CNTNAP3: variants seen among roughly 807,000 people sequenced by gnomAD.
CNTNAP3 encodes the protein contactin associated protein family member 3.
A neutral mutation model predicts 92.1 loss-of-function variants in CNTNAP3; 36 were observed. The ratio of observed to expected loss-of-function variants is 0.39; its 90% confidence interval spans 0.30 to 0.52. The LOEUF (loss-of-function observed/expected upper bound fraction) is 0.52, where lower values mean the gene tolerates loss of function less well. Among genes scored for constraint, CNTNAP3 ranks in the 20% least tolerant of loss-of-function variants. CNTNAP3 has a pLI of 0.76. For missense variants in CNTNAP3, 534 were observed against 1,069.6 expected (o/e 0.50, Z 6.98); for synonymous variants, 232 against 422.3 (o/e 0.55, Z 5.53).
At chr9:39,120,741 T>C (rs931133516) in intron 13 of CNTNAP3, among the ~76,000 whole-genome samples, 35 of 152,222 alleles carry the variant, frequency 2.3e-4, no homozygotes, top group Admixed American at 1.6e-3. Flanking sequence ...CTAGCAGACA[T>C]TCCCTAAAGA....
chr9:39,134,863 C>A (rs1821391668), intron 12 of CNTNAP3, among the ~76,000 whole-genome samples: 1 of 152,202 alleles, frequency 6.6e-6, no homozygotes, highest in South Asian at 2.1e-4. Flanking sequence ...TGATCAACCA[C>A]ATGCCATTTT....
intron 15 of CNTNAP3, among the ~76,000 whole-genome samples, chr9:39,108,394 C>T (rs970185411): frequency 2.6e-5 from 4 of 152,136 alleles, no homozygotes; most frequent in Non-Finnish European, 4.4e-5. Flanking sequence ...AGACGCCACG[C>T]CATCTGGCAC....
intron 18 of CNTNAP3, among the ~76,000 whole-genome samples, chr9:39,096,372 T>C (rs2778231): frequency 0.22 from 32,647 of 147,962 alleles, 3,863 homozygotes; most frequent in East Asian, 0.36. Context: ...GAATTCTCTG[T>C]TTTTTGTAAG....
At chr9:39,106,110 C>A (rs1826599235) in intron 15 of CNTNAP3, among the ~76,000 whole-genome samples, 1 of 152,122 alleles carries the variant, frequency 6.6e-6, no homozygotes, top group African/African-American at 2.4e-5. Context: ...AGTGGTCATT[C>A]CTTGACCCTA....
chr9:39,094,476 A>G (rs932985731), intron 18 of CNTNAP3, among the ~76,000 whole-genome samples: 1 of 151,638 alleles, frequency 6.6e-6, no homozygotes, highest in African/African-American at 2.4e-5. Flanking sequence ...TATCTTCTAA[A>G]AATTTTATAG....
rs1325381367 is a variant in CNTNAP3, at chr9:39,068,770, C to A, written c.*5120G>T. ...TCCTTAAGCTATCTATCTCCATTGT[C>A]ACTGCTGTCTCAAATTCTCTCAAGT... is the stretch of plus-strand genomic sequence containing the variant. On this transcript the variant is annotated 3_prime_UTR_variant, in exon 24 of 24. Transcript: ENST00000297668. 6.6e-6 allele frequency among the ~76,000 whole-genome samples: 1 copy of A among 152,310 alleles called. No homozygotes were observed. The highest frequency in any genetic ancestry group is 2.4e-5 in the African/African-American group (1 of 41,486).
At chr9:39,147,021 G>T (rs1311210790) in intron 10 of CNTNAP3, among the ~76,000 whole-genome samples, 1 of 152,126 alleles carries the variant, frequency 6.6e-6, no homozygotes, top group Non-Finnish European at 1.5e-5. Flanking sequence ...TTCTCATGCT[G>T]TTCTCATGAT....
At chr9:39,089,698 A>C (rs1348053009) in intron 18 of CNTNAP3, among the ~76,000 whole-genome samples, 1 of 149,276 alleles carries the variant, frequency 6.7e-6, no homozygotes, top group Non-Finnish European at 1.5e-5. Context: ...TGAGGGTTTT[A>C]ATATCTCCAC....
At chr9:39,180,605 AAGC>A (rs1822425222) in intron 4 of CNTNAP3, among the ~76,000 whole-genome samples, 1 of 149,826 alleles carries the variant, frequency 6.7e-6, no homozygotes, top group African/African-American at 2.4e-5. Context: ...TTTAAAATAA[AAGC>A]AGATTAATGA....
intron 13 of CNTNAP3, among the ~76,000 whole-genome samples, chr9:39,123,340 C>T (rs1004723838): frequency 1.2e-4 from 18 of 152,074 alleles, no homozygotes; most frequent in South Asian, 4.2e-4. Context: ...GTGATCCGCC[C>T]GCCTCGGCCT....
At chr9:39,098,811 C>A (rs1826384961) in intron 18 of CNTNAP3, among the ~76,000 whole-genome samples, 1 of 152,110 alleles carries the variant, frequency 6.6e-6, no homozygotes, top group African/African-American at 2.4e-5. Context: ...GCCTGTTTTG[C>A]TGCTAAAAAT....
chr9:39,141,458 A>T (rs1821573956), intron 11 of CNTNAP3, among the ~76,000 whole-genome samples: 1 of 152,196 alleles, frequency 6.6e-6, no homozygotes, highest in Non-Finnish European at 1.5e-5. Flanking sequence ...AACTTCCCTA[A>T]GTATTTTGCA....
intron 15 of CNTNAP3, among the ~76,000 whole-genome samples, chr9:39,108,123 A>T (rs2117900760): frequency 6.6e-6 from 1 of 152,210 alleles, no homozygotes; most frequent in South Asian, 2.1e-4. Context: ...GAATATTTGC[A>T]TTGGTTCCCC....
chr9:39,133,173 G>A (rs1221491941), intron 12 of CNTNAP3, 38 bp from the exon 13 acceptor site: 1 of 1,548,010 alleles, frequency 6.5e-7, no homozygotes, highest in Admixed American at 1.9e-5. Context: ...ATCACTGGAC[G>A]GCAGAGGCCA....
intron 9 of CNTNAP3, among the ~76,000 whole-genome samples, chr9:39,161,580 G>T (rs369960475): frequency 9.4e-6 from 1 of 106,332 alleles, no homozygotes; most frequent in South Asian, 3.4e-4. Flanking sequence ...CTTTGGGAGG[G>T]TGAGGTGGGA....
intron 18 of CNTNAP3, among the ~76,000 whole-genome samples, chr9:39,097,385 C>G (rs1351989602): frequency 6.6e-6 from 1 of 151,930 alleles, no homozygotes; most frequent in Non-Finnish European, 1.5e-5. Flanking sequence ...GTAGTAAAAC[C>G]TCTGCTTACA....
chr9:39,080,697 C>G (rs1465018511), intron 21 of CNTNAP3, among the ~76,000 whole-genome samples: 1 of 121,368 alleles, frequency 8.2e-6, no homozygotes, highest in Non-Finnish European at 1.7e-5. Flanking sequence ...GAGTCTCACT[C>G]TGTCCCCAGG....
At chr9:39,101,698 T>C (rs1243133249) in intron 17 of CNTNAP3, among the ~76,000 whole-genome samples, 1 of 150,344 alleles carries the variant, frequency 6.7e-6, no homozygotes, top group Non-Finnish European at 1.5e-5. Flanking sequence ...TCAGCGGGTA[T>C]CCTGCGATCT....
At position 39,077,418 on chromosome 9, in the gene CNTNAP3, G is replaced by A. The variant is rs531038378; in HGVS notation, c.3745+967C>T. 2.7e-4 allele frequency among the ~76,000 whole-genome samples: 41 copies of A among 151,958 alleles called. 1 individual carries two copies. In the South Asian group the frequency reaches 8.1e-3, roughly 30 times the overall value. On this transcript the variant is annotated intron_variant, in intron 23 of 23. Coordinates refer to ENST00000297668, the MANE Select transcript of CNTNAP3 (RefSeq NM_033655.5). ...CTAAAAATACAAAAAATAGCCAGGC[G>A]TGGTGGCGGGCGCCTGTAGTTTCAG...
Sources: gnomAD v4.1 joint callset for allele counts (sites outside exome capture counted in the v4.1 genomes callset) on GRCh38, gnomAD v4.1.1 for gene constraint, MANE v1.5 for transcripts, NCBI Gene and HGNC (gene_info 2026-07-23, HGNC 2026-07-21) for gene names.